Variants in UGT8 observed in about 807,000 individuals in gnomAD.
The protein encoded by UGT8 is UDP glycosyltransferase 8.
UGT8 carries 12 observed loss-of-function variants against 40.5 expected under a neutral mutation model. The observed-to-expected ratio is 0.30, with a 90% CI of 0.19 to 0.48. The LOEUF (loss-of-function observed/expected upper bound fraction) is 0.48, where lower values mean the gene tolerates loss of function less well. Ranked by LOEUF, UGT8 falls within the 20% of genes least tolerant of loss-of-function variation. The probability of loss-of-function intolerance (pLI) is 0.99; values close to 1 mark genes in which losing one functional copy is unlikely to be tolerated. For synonymous variants in UGT8, 224 were observed against 240.4 expected (o/e 0.93, Z 0.63); for missense variants, 513 against 648.7 (o/e 0.79, Z 2.27).
At chr4:114,600,991 G>A (rs1290306442) in intron 1 of UGT8, among the ~76,000 whole-genome samples, 3 of 152,118 alleles carry the variant, frequency 2.0e-5, no homozygotes, top group African/African-American at 7.2e-5. Context: ...ATAGTGCCCC[G>A]ATATTTAGTA....
At chr4:114,659,392 G>T (rs1734381336) in intron 2 of UGT8, among the ~76,000 whole-genome samples, 1 of 152,164 alleles carries the variant, frequency 6.6e-6, no homozygotes, top group South Asian at 2.1e-4. Context: ...GCATAGGAAT[G>T]GAATTATTCA....
chr4:114,612,988 C>A (rs910027307), intron 1 of UGT8, among the ~76,000 whole-genome samples: 4 of 152,052 alleles, frequency 2.6e-5, no homozygotes, highest in African/African-American at 9.7e-5. Context: ...TATTCTTAAA[C>A]CCTTTTTTTC....
At chr4:114,609,828 G>A (rs756163984) in intron 1 of UGT8, among the ~76,000 whole-genome samples, 25 of 152,144 alleles carry the variant, frequency 1.6e-4, no homozygotes, top group Non-Finnish European at 3.4e-4. Flanking sequence ...AAGGGAGACT[G>A]AAGGGGAGAC....
chr4:114,627,082 G>A (rs1266026301), intron 2 of UGT8, among the ~76,000 whole-genome samples: 3 of 152,198 alleles, frequency 2.0e-5, no homozygotes, highest in Admixed American at 1.3e-4. Context: ...GCCTCTAATA[G>A]GAGTCTTTAA....
chr4:114,636,276 T>G (rs1219187618), intron 2 of UGT8, among the ~76,000 whole-genome samples: 1 of 152,242 alleles, frequency 6.6e-6, no homozygotes, highest in Non-Finnish European at 1.5e-5. Context: ...CTCAAAAGGT[T>G]TATATCCAGT....
chr4:114,677,039 A>C lies in UGT8; in HGVS notation c.*751A>C, dbSNP rs1016301989. ...TTTTACTTTTGTTTTCCCACTACCA[A>C]TAATTTTCCTCTGGAAGAATTTTAT... On this transcript the variant is annotated 3_prime_UTR_variant, in exon 6 of 6. Transcript: ENST00000310836. 6.6e-6 allele frequency: 1 copy of C among 152,082 alleles called. No homozygotes were observed. Among genetic ancestry groups the C allele is most frequent in the Non-Finnish European group, 1.5e-5 (1 of 68,016 alleles). 9.4% of individuals were successfully genotyped at this position (152,082 alleles called of 1,614,324 possible). A position where few individuals can be genotyped will look rare whatever the true frequency, so the allele number is the denominator to read the frequency against.
At chr4:114,645,489 T>G (rs927984903) in intron 2 of UGT8, among the ~76,000 whole-genome samples, 1 of 152,096 alleles carries the variant, frequency 6.6e-6, no homozygotes, top group East Asian at 1.9e-4. Flanking sequence ...ATAGAGTTAA[T>G]TTTTTTTCAT....
At chr4:114,628,952 A>G (rs1027425067) in intron 2 of UGT8, among the ~76,000 whole-genome samples, 1 of 151,028 alleles carries the variant, frequency 6.6e-6, no homozygotes, top group Non-Finnish European at 1.5e-5. Context: ...GAAACAAAAT[A>G]GTGACTTTCC....
chr4:114,612,574 T>C (rs1312391432), intron 1 of UGT8, among the ~76,000 whole-genome samples: 3 of 152,212 alleles, frequency 2.0e-5, no homozygotes, highest in African/African-American at 7.2e-5. Context: ...AAGCAAATTG[T>C]CCTTTCATCT....
chr4:114,663,510 A>G (rs1734676577), intron 2 of UGT8, among the ~76,000 whole-genome samples: 2 of 152,118 alleles, frequency 1.3e-5, no homozygotes. Context: ...CCTATAGAAC[A>G]AAATGAAGTA....
At chr4:114,613,503 G>T (rs375322501) in intron 1 of UGT8, among the ~76,000 whole-genome samples, 7 of 152,118 alleles carry the variant, frequency 4.6e-5, no homozygotes, top group African/African-American at 1.7e-4. Context: ...CTGGTACTTT[G>T]TATATAGAAA....
Position 114,622,981 on chromosome 4 carries a change from A to G in UGT8, c.101A>G (p.His34Arg). ...IIVPPIMFES[H>R]MYIFKTLASA... is the part of the protein sequence containing the mutation. ...GTGCCGCCAATTATGTTTGAAAGCC[A>G]TATGTACATTTTCAAGACGCTAGCC... The change falls in exon 2 of 6, where the codon CAT becomes CGT. Residue 34 changes from histidine to arginine, a missense_variant. His to Arg is a conservative substitution (Grantham distance 29, BLOSUM62 0). Coordinates refer to ENST00000310836, the MANE Select transcript of UGT8 (RefSeq NM_001128174.3). 1 of 1,614,074 alleles carries G rather than the reference A, an allele frequency of 6.2e-7. No individual in the cohort carries two copies. Among genetic ancestry groups the G allele is most frequent in the Admixed American group, 1.7e-5 (1 of 59,976 alleles).
At chr4:114,665,570 C>T in intron 3 of UGT8, 110 bp from the exon 4 acceptor site, 1 of 1,219,052 alleles carries the variant, frequency 8.2e-7, no homozygotes. Flanking sequence ...TTAAGAATAT[C>T]AACAAAAGAT....
At chr4:114,612,114 A>C (rs1731130372) in intron 1 of UGT8, among the ~76,000 whole-genome samples, 1 of 152,182 alleles carries the variant, frequency 6.6e-6, no homozygotes, top group South Asian at 2.1e-4. Flanking sequence ...CTTTCCAGGT[A>C]AGTTTTATAA....
chr4:114,646,270 G>A (rs1337488141), intron 2 of UGT8, among the ~76,000 whole-genome samples: 1 of 151,848 alleles, frequency 6.6e-6, no homozygotes, highest in African/African-American at 2.4e-5. Context: ...GAACAAAAGA[G>A]CAACATAAAC....
chr4:114,631,230 C>T (rs1380323524), intron 2 of UGT8, among the ~76,000 whole-genome samples: 1 of 152,108 alleles, frequency 6.6e-6, no homozygotes, highest in African/African-American at 2.4e-5. Context: ...ACCTGTAATC[C>T]CAGCACTTTG....
chr4:114,654,665 C>T lies in UGT8; in HGVS notation c.823-9330C>T, dbSNP rs187733811. 2.0e-5 allele frequency among the ~76,000 whole-genome samples: 3 copies of T among 152,112 alleles called. No homozygotes were observed. The East Asian group carries it at 5.8e-4, about 29-fold the overall frequency. On this transcript the variant is annotated intron_variant, in intron 2 of 5. Coordinates refer to ENST00000310836, the MANE Select transcript of UGT8 (RefSeq NM_001128174.3). ...CCTTGTCTTCATGTTGCCTTCTTTA[C>T]TGATATGGCATAGTGTTTGGAAAAG...
intron 1 of UGT8, among the ~76,000 whole-genome samples, chr4:114,599,833 C>A (rs141293245): frequency 1.1e-4 from 17 of 152,114 alleles, no homozygotes; most frequent in Non-Finnish European, 2.5e-4. Context: ...TCGGAGAGTG[C>A]AAGTAGATGC....
At chr4:114,645,137 CA>C (rs1733489566) in intron 2 of UGT8, among the ~76,000 whole-genome samples, 1 of 151,956 alleles carries the variant, frequency 6.6e-6, no homozygotes, top group Admixed American at 6.6e-5. Flanking sequence ...ATTCAATGAG[CA>C]AAAAAATTAA....
Sources: allele counts gnomAD v4.1 joint callset (sites outside exome capture counted in the v4.1 genomes callset), GRCh38; gene constraint gnomAD v4.1.1; transcripts MANE v1.5; gene names NCBI Gene and HGNC (gene_info 2026-07-23, HGNC 2026-07-21).